Variants in ULK4 observed in about 807,000 individuals in gnomAD.
ULK4 encodes inactive serine/threonine-protein kinase ULK4.
Under a neutral mutation model 160.6 loss-of-function variants are expected in ULK4, and 133 were observed. The observed-to-expected ratio is 0.83, with a 90% CI of 0.72 to 0.96. ULK4 has a LOEUF of 0.96. Among genes scored for constraint, ULK4 ranks in the 40% least tolerant of loss-of-function variants. ULK4 has a pLI of 0.00. For missense variants in ULK4, 1,580 were observed against 1,499.5 expected (o/e 1.05, Z -0.89); for synonymous variants, 534 against 539.8 (o/e 0.99, Z 0.15).
chr3:41,824,150 G>A (rs1479029854), intron 18 of ULK4, among the ~76,000 whole-genome samples: 1 of 127,008 alleles, frequency 7.9e-6, no homozygotes, highest in South Asian at 2.6e-4. Context: ...GTGAGAGAAT[G>A]AGACTCTATC....
intron 32 of ULK4, among the ~76,000 whole-genome samples, chr3:41,480,197 A>G (rs192139223): frequency 8.5e-6 from 1 of 118,076 alleles, no homozygotes; most frequent in Non-Finnish European, 1.7e-5. Flanking sequence ...ACAGAGCGAG[A>G]CTCCGTATCA....
chr3:41,454,915 C>G (rs1399828905), intron 34 of ULK4, among the ~76,000 whole-genome samples: 2 of 151,938 alleles, frequency 1.3e-5, no homozygotes, highest in Admixed American at 1.3e-4. Context: ...TCAGGCTGGT[C>G]TCGAACACCT....
intron 32 of ULK4, among the ~76,000 whole-genome samples, chr3:41,486,348 T>C (rs1484178529): frequency 6.6e-6 from 1 of 152,116 alleles, no homozygotes; most frequent in Non-Finnish European, 1.5e-5. Context: ...AATGAATCAT[T>C]AGAAAACCCA....
chr3:41,874,014 GA>G (rs1416211202), intron 17 of ULK4, among the ~76,000 whole-genome samples: 1 of 151,750 alleles, frequency 6.6e-6, no homozygotes, highest in African/African-American at 2.4e-5. Context: ...ATGCTACATG[GA>G]AAAACTATAG....
intron 34 of ULK4, among the ~76,000 whole-genome samples, chr3:41,405,574 ATTTAC>A (rs1401546045): frequency 6.6e-6 from 1 of 152,164 alleles, no homozygotes; most frequent in Non-Finnish European, 1.5e-5. Flanking sequence ...GGCTGAACTA[ATTTAC>A]TTTACCACCA....
At chr3:41,826,242 T>A (rs1248112488) in intron 18 of ULK4, among the ~76,000 whole-genome samples, 1 of 152,104 alleles carries the variant, frequency 6.6e-6, no homozygotes, top group Non-Finnish European at 1.5e-5. Flanking sequence ...AGGAAGAAAC[T>A]GAATCAACTA....
At chr3:41,360,519 G>A (rs1281769084) in intron 35 of ULK4, among the ~76,000 whole-genome samples, 1 of 152,112 alleles carries the variant, frequency 6.6e-6, no homozygotes, top group Non-Finnish European at 1.5e-5. Flanking sequence ...CAACTTAAAT[G>A]GCCTATCAAT....
chr3:41,707,295 A>G (rs1462410694), intron 25 of ULK4, among the ~76,000 whole-genome samples: 1 of 152,200 alleles, frequency 6.6e-6, no homozygotes, highest in Non-Finnish European at 1.5e-5. Flanking sequence ...AACCTCCATG[A>G]CATTGGTCTG....
rs144522152 is a variant in ULK4, at chr3:41,381,813, A to G, written c.3678+16266T>C. Among the ~76,000 whole-genome samples, 1,013 of 152,038 alleles carry G rather than the reference A, an allele frequency of 6.7e-3. 4 individuals carry two copies. Among genetic ancestry groups the G allele is most frequent in the East Asian group, 0.015 (77 of 5,108 alleles). On this transcript the variant is annotated intron_variant, in intron 35 of 36. Transcript: ENST00000301831. Reference sequence around the variant, plus strand: ...GGCTTCCACTTCACTGGGGATAAAGACCAGTGTTTACGAGGGTTTACAGGG... The same window carrying G: ...GGCTTCCACTTCACTGGGGATAAAGGCCAGTGTTTACGAGGGTTTACAGGG...
chr3:41,321,941 C>G (rs564192976), intron 35 of ULK4, among the ~76,000 whole-genome samples: 1 of 144,904 alleles, frequency 6.9e-6, no homozygotes, highest in Non-Finnish European at 1.5e-5. Flanking sequence ...TCAAGTCAAA[C>G]CACACACTTG....
chr3:41,570,359 G>A (rs890426163), intron 31 of ULK4, among the ~76,000 whole-genome samples: 61 of 152,268 alleles, frequency 4.0e-4, no homozygotes, highest in African/African-American at 1.5e-3. Flanking sequence ...TGGAAGCAAT[G>A]GTCTGCCACC....
chr3:41,789,586 A>AT, intron 21 of ULK4, 75 bp downstream of exon 21: 1 of 1,367,604 alleles, frequency 7.3e-7, no homozygotes, highest in African/African-American at 1.5e-5. Flanking sequence ...CAAACATGAC[A>AT]TTACTTGTGG....
chr3:41,762,654 A>ATT (rs2039023899), intron 21 of ULK4, among the ~76,000 whole-genome samples: 2 of 114,304 alleles, frequency 1.7e-5, no homozygotes, highest in Non-Finnish European at 3.7e-5. Flanking sequence ...GAAGTGTTAC[A>ATT]CTTTTTTTTT....
At position 41,313,825 on chromosome 3, in the gene ULK4, G is replaced by C. The variant is rs559080337; in HGVS notation, c.3679-64251C>G. On this transcript the variant is annotated intron_variant, in intron 35 of 36. Coordinates refer to ENST00000301831, the MANE Select transcript of ULK4 (RefSeq NM_017886.4). ...ATTTTGAATACAGACCGGGCTTAGG[G>C]ACTGACTTGAACAGAAACAAGGTAT... Among the ~76,000 whole-genome samples the C allele has an allele frequency of 4.1e-4, 63 of 152,200 alleles. 4 individuals are homozygous for C. In the South Asian group the frequency reaches 0.013, roughly 31 times the overall value.
Position 41,928,905 on chromosome 3 carries a change from G to A in ULK4, c.541+2939C>T, listed in dbSNP as rs1396205415. ...AAAGATTCACAGCCGAATTCGACCG[G>A]AGGTACAAAGAGGGGCTGATAACAT... On this transcript the variant is annotated intron_variant, in intron 5 of 36. Transcript: ENST00000301831. Among the ~76,000 whole-genome samples the A allele has an allele frequency of 2.6e-5, 4 of 152,180 alleles. No individual in the cohort carries two copies. The East Asian group carries it at 5.8e-4, about 22-fold the overall frequency.
At chr3:41,762,827 T>A (rs2039033921) in intron 21 of ULK4, among the ~76,000 whole-genome samples, 1 of 151,962 alleles carries the variant, frequency 6.6e-6, no homozygotes, top group Non-Finnish European at 1.5e-5. Flanking sequence ...CATATCCCAC[T>A]AATTTTTTTC....
At chr3:41,798,391 A>G (rs2040362206) in intron 20 of ULK4, among the ~76,000 whole-genome samples, 1 of 152,194 alleles carries the variant, frequency 6.6e-6, no homozygotes, top group Admixed American at 6.5e-5. Context: ...TATTAATACC[A>G]TAATTAGTTG....
At chr3:41,816,743 G>A (rs867555785) in intron 19 of ULK4, among the ~76,000 whole-genome samples, 10 of 152,080 alleles carry the variant, frequency 6.6e-5, no homozygotes, top group East Asian at 1.9e-4. Context: ...TCCCAGAGGC[G>A]GAGGTTGCAG....
intron 17 of ULK4, among the ~76,000 whole-genome samples, chr3:41,879,950 C>G (rs564398079): frequency 1.3e-5 from 2 of 152,158 alleles, no homozygotes; most frequent in African/African-American, 2.4e-5. Context: ...AACCCCATCT[C>G]TACTAAAAAT....
Sources: gnomAD v4.1 joint callset for allele counts (sites outside exome capture counted in the v4.1 genomes callset) on GRCh38, gnomAD v4.1.1 for gene constraint, MANE v1.5 for transcripts, NCBI Gene and HGNC (gene_info 2026-07-23, HGNC 2026-07-21) for gene names.